SSH2: variants seen among roughly 807,000 people sequenced by gnomAD.
The protein encoded by SSH2 is slingshot protein phosphatase 2.
In SSH2, 37 loss-of-function variants were observed where a neutral mutation model predicts 135.2. The observed-to-expected ratio is 0.27, with a 90% confidence interval of 0.21 to 0.36. The LOEUF (loss-of-function observed/expected upper bound fraction) is 0.36, where lower values mean the gene tolerates loss of function less well. SSH2 is among the 10% of genes least tolerant of loss of function. The pLI is 1.00. For missense variants in SSH2, 1,408 were observed against 1,765.3 expected, an observed-to-expected ratio of 0.80 and a Z score of 3.63; for synonymous variants, 628 against 646.2, an observed-to-expected ratio of 0.97 and a Z score of 0.43.
intron 3 of SSH2, among the ~76,000 whole-genome samples, chr17:29,749,176 A>C (rs2040851913): frequency 6.6e-6 from 1 of 152,220 alleles, no homozygotes; most frequent in Non-Finnish European, 1.5e-5. Flanking sequence ...TTTACAACAC[A>C]TAAGAAGCCT....
At chr17:29,696,613 A>G (rs2038758240) in intron 4 of SSH2, among the ~76,000 whole-genome samples, 1 of 135,170 alleles carries the variant, frequency 7.4e-6, no homozygotes, top group South Asian at 2.4e-4. Context: ...ACATATATAC[A>G]TATATATATA....
chr17:29,695,013 G>A (rs1284386382), intron 5 of SSH2, among the ~76,000 whole-genome samples: 1 of 152,162 alleles, frequency 6.6e-6, no homozygotes, highest in Non-Finnish European at 1.5e-5. Context: ...AGTATCGTAT[G>A]ATTAGTAAAG....
chr17:29,929,157 T>C (rs1567660459), intron 1 of SSH2: 1 of 152,198 alleles, frequency 6.6e-6, no homozygotes, highest in Non-Finnish European at 1.5e-5. Context: ...ATTTTCCTTC[T>C]GAGAGCATGC....
At chr17:29,635,301 T>A (rs2035856284) in intron 15 of SSH2, among the ~76,000 whole-genome samples, 1 of 152,352 alleles carries the variant, frequency 6.6e-6, no homozygotes, top group Non-Finnish European at 1.5e-5. Flanking sequence ...ACAATAAGAA[T>A]TTCCCAAACA....
intron 1 of SSH2, among the ~76,000 whole-genome samples, chr17:29,905,334 G>A (rs544934041): frequency 6.6e-6 from 1 of 152,242 alleles, no homozygotes; most frequent in South Asian, 2.1e-4. Flanking sequence ...TCAGATATAA[G>A]ACCACACACC....
chr17:29,793,501 C>G (rs2042107070), intron 3 of SSH2: 1 of 156,548 alleles, frequency 6.4e-6, no homozygotes, highest in South Asian at 2.0e-4. Flanking sequence ...TTTTTATTAC[C>G]CCCAAGATAA....
chr17:29,766,323 T>C (rs2041446789), intron 3 of SSH2, among the ~76,000 whole-genome samples: 1 of 151,454 alleles, frequency 6.6e-6, no homozygotes, highest in Non-Finnish European at 1.5e-5. Flanking sequence ...AGTGAGACCC[T>C]GTCTCATTAA....
At chr17:29,648,019 A>T in intron 14 of SSH2, 125 bp downstream of exon 14, 1 of 933,690 alleles carries the variant, frequency 1.1e-6, no homozygotes, top group South Asian at 1.6e-5. Context: ...ATTGATAGAG[A>T]AATAAGTCTT....
chr17:29,736,091 T>C (rs983254950), intron 3 of SSH2, among the ~76,000 whole-genome samples: 2 of 152,016 alleles, frequency 1.3e-5, no homozygotes. Context: ...AGTGACACTA[T>C]CTAAAACAAA....
At chr17:29,764,129 T>G (rs925859418) in intron 3 of SSH2, among the ~76,000 whole-genome samples, 5 of 152,098 alleles carry the variant, frequency 3.3e-5, no homozygotes, top group African/African-American at 1.2e-4. Flanking sequence ...TTTTGTATTT[T>G]TAGTAGAAAC....
At chr17:29,634,323 T>G (rs1289248876) in intron 15 of SSH2, among the ~76,000 whole-genome samples, 1 of 152,234 alleles carries the variant, frequency 6.6e-6, no homozygotes, top group Non-Finnish European at 1.5e-5. Context: ...AAGTTTGGTA[T>G]GTTAGAGTCA....
intron 1 of SSH2, among the ~76,000 whole-genome samples, chr17:29,889,066 C>T (rs2066297833): frequency 6.6e-6 from 1 of 150,756 alleles, no homozygotes; most frequent in African/African-American, 2.4e-5. Context: ...TGCTAAGACA[C>T]CTGCAAAGCC....
intron 1 of SSH2, among the ~76,000 whole-genome samples, chr17:29,890,948 G>GT (rs948821743): frequency 6.6e-6 from 1 of 152,084 alleles, no homozygotes; most frequent in Non-Finnish European, 1.5e-5. Context: ...TAGAGACGGG[G>GT]TTTCATCATG....
intron 1 of SSH2, among the ~76,000 whole-genome samples, chr17:29,920,483 AC>A (rs1349799960): frequency 2.0e-5 from 3 of 152,216 alleles, no homozygotes; most frequent in Non-Finnish European, 4.4e-5. Context: ...TTCCTATGAG[AC>A]TTGCAATGGA....
chr17:29,900,071 C>G (rs1394070728), intron 1 of SSH2, among the ~76,000 whole-genome samples: 1 of 152,126 alleles, frequency 6.6e-6, no homozygotes. Flanking sequence ...GGAAAACTGG[C>G]TAGCCATATG....
Position 29,648,158 on chromosome 17 carries a change from C to T in SSH2, c.1413G>A (p.Gly471=). Reference sequence around the variant, plus strand: ...CACTGACTCACCTTGCCAGCAAGATCCCCTGATACTCTTCCAGTTGTCTCA... The same window carrying T: ...CACTGACTCACCTTGCCAGCAAGATTCCCTGATACTCTTCCAGTTGTCTCA... ...SFMRQLEEYQ[G]ILLASKQRHN... The change falls in exon 14 of 16, where the codon GGG becomes GGA. Residue 471 remains glycine (G), a synonymous_variant. Coordinates refer to ENST00000540801, the MANE Select transcript of SSH2 (RefSeq NM_001282129.2). 1.2e-6 allele frequency: 2 copies of T among 1,613,870 alleles called. No homozygotes were observed. The highest frequency in any genetic ancestry group is 1.7e-6 in the Non-Finnish European group (2 of 1,180,014).
chr17:29,854,500 C>T (rs916432855), intron 1 of SSH2, among the ~76,000 whole-genome samples: 5 of 151,788 alleles, frequency 3.3e-5, no homozygotes, highest in African/African-American at 1.2e-4. Context: ...CAATCCAGAA[C>T]AGCTTCTAAG....
intron 8 of SSH2, among the ~76,000 whole-genome samples, chr17:29,672,399 T>A (rs1353929375): frequency 6.6e-6 from 1 of 151,992 alleles, no homozygotes; most frequent in Non-Finnish European, 1.5e-5. Flanking sequence ...GAAAAATAGG[T>A]CCAGGTACCT....
intron 12 of SSH2, among the ~76,000 whole-genome samples, chr17:29,653,909 C>T (rs929471114): frequency 1.3e-5 from 2 of 152,106 alleles, no homozygotes; most frequent in Non-Finnish European, 2.9e-5. Flanking sequence ...ATTTTTAAAG[C>T]TTGATGACTT....
Sources: gnomAD v4.1 joint callset for allele counts (sites outside exome capture counted in the v4.1 genomes callset) on GRCh38, gnomAD v4.1.1 for gene constraint, MANE v1.5 for transcripts, NCBI Gene and HGNC (gene_info 2026-07-23, HGNC 2026-07-21) for gene names.